The following DCDC1 variants were observed in gnomAD, a reference collection of about 807,000 sequenced individuals.
DCDC1 encodes doublecortin domain-containing protein 1.
In DCDC1, 200 loss-of-function variants were observed where a neutral mutation model predicts 178.3. That is an observed-to-expected ratio of 1.12 (90% confidence interval 1.00 to 1.26). DCDC1 has a LOEUF of 1.26. DCDC1 is among the 50% of genes most tolerant of loss of function. The probability of loss-of-function intolerance (pLI) is 0.00; values close to 1 mark genes in which losing one functional copy is unlikely to be tolerated. For missense variants in DCDC1, 1,983 were observed against 1,749.2 expected (o/e 1.13, Z -2.38); for synonymous variants, 690 against 604.8 (o/e 1.14, Z -2.07).
intron 20 of DCDC1, among the ~76,000 whole-genome samples, chr11:31,016,095 G>A (rs1163363168): frequency 6.6e-6 from 1 of 152,202 alleles, no homozygotes; most frequent in Non-Finnish European, 1.5e-5. Flanking sequence ...TTTTAACTGA[G>A]AGACCTTGTA....
chr11:30,954,918 A>G (rs1948678592), intron 20 of DCDC1, among the ~76,000 whole-genome samples: 4 of 152,224 alleles, frequency 2.6e-5, no homozygotes, highest in African/African-American at 7.2e-5. Context: ...TTGGCTACAT[A>G]CAAGACAACA....
chr11:31,194,858 C>T (rs1179964197), intron 9 of DCDC1, among the ~76,000 whole-genome samples: 2 of 152,104 alleles, frequency 1.3e-5, no homozygotes, highest in Non-Finnish European at 2.9e-5. Context: ...TTCCAAAGGG[C>T]ATTCCAGAAT....
intron 11 of DCDC1, among the ~76,000 whole-genome samples, chr11:31,115,151 G>A (rs1281537880): frequency 1.3e-5 from 2 of 152,134 alleles, no homozygotes; most frequent in African/African-American, 2.4e-5. Flanking sequence ...AGATTTTAGA[G>A]GCAGTGACTT....
chr11:31,047,693 T>C (rs771033839), intron 20 of DCDC1, among the ~76,000 whole-genome samples: 1 of 152,208 alleles, frequency 6.6e-6, no homozygotes, highest in Non-Finnish European at 1.5e-5. Context: ...TTTCATTGTG[T>C]ATATTCATAT....
chr11:31,010,090 T>C (rs921916401), intron 20 of DCDC1, among the ~76,000 whole-genome samples: 6 of 152,220 alleles, frequency 3.9e-5, no homozygotes, highest in Non-Finnish European at 7.3e-5. Context: ...ACCCATATCA[T>C]GACGGCACTC....
At chr11:31,273,481 C>T (rs746716144) in intron 7 of DCDC1, among the ~76,000 whole-genome samples, 10 of 152,142 alleles carry the variant, frequency 6.6e-5, no homozygotes, top group Non-Finnish European at 1.5e-4. Context: ...GTCACCTTTG[C>T]TCCAGTTCCC....
chr11:31,075,161 T>G (rs1482525588), intron 18 of DCDC1, among the ~76,000 whole-genome samples: 1 of 152,224 alleles, frequency 6.6e-6, no homozygotes, highest in East Asian at 1.9e-4. Flanking sequence ...GTCTTTCTTT[T>G]TCTGAGTTGT....
intron 20 of DCDC1, among the ~76,000 whole-genome samples, chr11:31,024,734 T>C (rs1953111596): frequency 1.3e-5 from 2 of 152,064 alleles, no homozygotes; most frequent in East Asian, 1.9e-4. Flanking sequence ...ACATTTTATG[T>C]CCTAATATTT....
intron 3 of DCDC1, among the ~76,000 whole-genome samples, chr11:31,322,416 T>C (rs1031620560): frequency 6.6e-6 from 1 of 152,192 alleles, no homozygotes; most frequent in Non-Finnish European, 1.5e-5. Flanking sequence ...TATATGTCCA[T>C]GGAAAGTATC....
chr11:31,179,943 T>A (rs982901603), intron 9 of DCDC1, among the ~76,000 whole-genome samples: 1 of 152,150 alleles, frequency 6.6e-6, no homozygotes, highest in Non-Finnish European at 1.5e-5. Flanking sequence ...CACACCATAA[T>A]CAGGTAGGAT....
At chr11:31,052,480 A>G (rs1440434093) in intron 20 of DCDC1, among the ~76,000 whole-genome samples, 1 of 152,204 alleles carries the variant, frequency 6.6e-6, no homozygotes, top group African/African-American at 2.4e-5. Context: ...ATTGGATTTA[A>G]ACTATATCTT....
At chr11:31,279,246 T>TG (rs924832750) in intron 7 of DCDC1, among the ~76,000 whole-genome samples, 53 of 151,642 alleles carry the variant, frequency 3.5e-4, no homozygotes, top group East Asian at 2.1e-3. Flanking sequence ...TTTCTTTTTT[T>TG]TGTGTGTGTG....
intron 17 of DCDC1, among the ~76,000 whole-genome samples, chr11:31,078,243 A>G (rs1956979364): frequency 6.6e-6 from 1 of 151,932 alleles, no homozygotes; most frequent in Non-Finnish European, 1.5e-5. Context: ...GCAAAAAAAG[A>G]TCCTCTATGA....
intron 9 of DCDC1, among the ~76,000 whole-genome samples, chr11:31,144,255 C>T (rs1372455297): frequency 1.3e-5 from 2 of 152,108 alleles, no homozygotes; most frequent in Non-Finnish European, 2.9e-5. Context: ...CTGCCTCAGC[C>T]TCCCTAGTAG....
At chr11:31,253,430 C>G (rs1944202236) in intron 8 of DCDC1, among the ~76,000 whole-genome samples, 1 of 149,424 alleles carries the variant, frequency 6.7e-6, no homozygotes, top group Non-Finnish European at 1.5e-5. Flanking sequence ...GATCTCGGCT[C>G]ACTGCAAGCC....
At chr11:31,061,125 G>A (rs1955891582) in intron 20 of DCDC1, among the ~76,000 whole-genome samples, 1 of 152,090 alleles carries the variant, frequency 6.6e-6, no homozygotes, top group African/African-American at 2.4e-5. Flanking sequence ...ACACAGATGT[G>A]CCCAAAGGCA....
Position 31,205,361 on chromosome 11 carries a change from G to A in DCDC1, c.1221+36089C>T, listed in dbSNP as rs183201176. 3.3e-5 allele frequency among the ~76,000 whole-genome samples: 5 copies of A among 152,230 alleles called. No homozygotes were observed. In the East Asian group the frequency reaches 9.7e-4, roughly 29 times the overall value. On this transcript the variant is annotated intron_variant, in intron 9 of 38. Transcript: ENST00000684477. The stretch of plus-strand genomic sequence containing the variant: ...TCCAGAAAAGAATTACAGACCCTTG[G>A]CCTAAAATATGACAAAATGTTGCCT...
chr11:31,097,463 C>G (rs1958232622), intron 15 of DCDC1, among the ~76,000 whole-genome samples: 1 of 152,164 alleles, frequency 6.6e-6, no homozygotes, highest in Non-Finnish European at 1.5e-5. Flanking sequence ...TAATTTTACA[C>G]ATAAGTAAAA....
intron 24 of DCDC1, among the ~76,000 whole-genome samples, chr11:30,922,151 T>C (rs1946291399): frequency 6.6e-6 from 1 of 152,190 alleles, no homozygotes; most frequent in Admixed American, 6.5e-5. Flanking sequence ...AGAGTGGAAC[T>C]TAACGTGAGA....
Sources: gnomAD v4.1 joint callset for allele counts (sites outside exome capture counted in the v4.1 genomes callset) on GRCh38, gnomAD v4.1.1 for gene constraint, MANE v1.5 for transcripts, NCBI Gene and HGNC (gene_info 2026-07-23, HGNC 2026-07-21) for gene names.